Variants in FBXL13 observed in about 807,000 individuals in gnomAD.
FBXL13 encodes F-box and leucine-rich repeat protein 13.
FBXL13 carries 67 observed loss-of-function variants against 83.6 expected under a neutral mutation model. The ratio of observed to expected loss-of-function variants is 0.80; its 90% CI spans 0.66 to 0.98. FBXL13 has a LOEUF of 0.98. Ranked by LOEUF, FBXL13 falls within the 50% of genes least tolerant of loss-of-function variation. The pLI is 0.00. For missense variants in FBXL13, 822 were observed against 866.5 expected (o/e 0.95, Z 0.64); for synonymous variants, 272 against 299.5 (o/e 0.91, Z 0.95).
chr7:103,039,950 C>A (rs904960192), intron 2 of FBXL13, among the ~76,000 whole-genome samples: 8 of 151,562 alleles, frequency 5.3e-5, no homozygotes, highest in Admixed American at 5.3e-4. Flanking sequence ...AATATAATAA[C>A]AGGATCAAAT....
intron 19 of FBXL13, among the ~76,000 whole-genome samples, chr7:102,817,653 CCTCT>C (rs889908993): frequency 1.3e-5 from 2 of 151,846 alleles, no homozygotes; most frequent in African/African-American, 4.8e-5. Context: ...CTGGGAGAAA[CCTCT>C]CTCTCTCTCC....
intron 1 of FBXL13, among the ~76,000 whole-genome samples, chr7:103,061,894 C>T (rs796509962): frequency 1.4e-4 from 21 of 147,112 alleles, no homozygotes; most frequent in East Asian, 8.0e-4. Flanking sequence ...GCTGAGATCG[C>T]GCCACTGCAC....
chr7:102,814,246 T>A (rs987550268), intron 19 of FBXL13: 5 of 152,084 alleles, frequency 3.3e-5, no homozygotes, highest in Non-Finnish European at 7.4e-5. Context: ...AGGAGATGAG[T>A]AATTGACCAC....
chr7:102,834,096 A>AG (rs1562926018), intron 17 of FBXL13, among the ~76,000 whole-genome samples: 3 of 97,068 alleles, frequency 3.1e-5, no homozygotes, highest in East Asian at 3.1e-4. Flanking sequence ...AAAAGAAAGA[A>AG]AGAAAGAAAG....
intron 11 of FBXL13, among the ~76,000 whole-genome samples, chr7:102,902,316 A>C (rs1813068269): frequency 6.6e-6 from 1 of 152,040 alleles, no homozygotes; most frequent in African/African-American, 2.4e-5. Flanking sequence ...TGAGCTCCTT[A>C]TATATTTTGT....
chr7:102,878,273 C>G, intron 15 of FBXL13, 58 bp downstream of exon 16: 5 of 1,439,974 alleles, frequency 3.5e-6, no homozygotes, highest in Non-Finnish European at 4.6e-6. Flanking sequence ...TGTCTCATGT[C>G]TCCTATTATC....
chr7:103,010,323 G>T (rs1332265374), intron 6 of FBXL13, among the ~76,000 whole-genome samples: 1 of 152,110 alleles, frequency 6.6e-6, no homozygotes, highest in African/African-American at 2.4e-5. Flanking sequence ...AGATGGCAGG[G>T]TGAGCGTCCC....
At chr7:102,821,989 T>C in intron 19 of FBXL13, 51 bp downstream of exon 20, 1 of 1,574,884 alleles carries the variant, frequency 6.3e-7, no homozygotes, top group Non-Finnish European at 8.7e-7. Context: ...TATACTATGT[T>C]TTCTCAGAAA....
At chr7:102,877,355 TAATAG>T (rs956179599) in intron 16 of FBXL13, 107 bp downstream of exon 17, 1 of 972,522 alleles carries the variant, frequency 1.0e-6, no homozygotes, top group African/African-American at 1.7e-5. Context: ...TTAACTTTTA[TAATAG>T]AATAACAAAT....
chr7:102,939,302 C>A (rs1820931354), intron 8 of FBXL13: 1 of 725,034 alleles, frequency 1.4e-6, no homozygotes, highest in Middle Eastern at 4.1e-4. Flanking sequence ...TACTAACTTT[C>A]TTTGGCTTTA....
chr7:102,826,748 T>C (rs1171400838), intron 18 of FBXL13, among the ~76,000 whole-genome samples: 8 of 102,654 alleles, frequency 7.8e-5, no homozygotes, highest in Admixed American at 1.1e-4. Context: ...TATATATATA[T>C]ATATATATAT....
intron 6 of FBXL13, chr7:102,976,219 T>A: frequency 1.3e-6 from 1 of 750,754 alleles, no homozygotes; most frequent in Non-Finnish European, 2.5e-6. Flanking sequence ...AGGGTAACCC[T>A]GATGGTGGCA....
intron 19 of FBXL13, among the ~76,000 whole-genome samples, chr7:102,819,053 T>C (rs1456790732): frequency 3.9e-5 from 6 of 152,162 alleles, no homozygotes; most frequent in Non-Finnish European, 7.3e-5. Context: ...ACATGCGTTA[T>C]TTGGTTTTCT....
rs1476900523 is a variant in FBXL13, at chr7:102,874,240, C to T, written c.1635+3227G>A. On this transcript the variant is annotated intron_variant, in intron 16 of 19. Coordinates refer to ENST00000313221, the Ensembl canonical transcript of FBXL13. ...ACGTCTGTAGTCAAATTTGCACTTA[C>T]TCAGACCTATAATCAATCAGGCTGG... 3 of 596,466 alleles carry T rather than the reference C, an allele frequency of 5.0e-6. No individual in the cohort carries two copies. In the African/African-American group the frequency reaches 6.1e-5, roughly 12 times the overall value. The allele number at this position is 596,466 out of a possible 1,614,324, so 36.9% of individuals were successfully genotyped here. A position where few individuals can be genotyped will look rare whatever the true frequency, so the allele number is the denominator to read the frequency against.
chr7:102,851,400 G>A (rs1363039873), intron 17 of FBXL13, among the ~76,000 whole-genome samples: 9 of 144,066 alleles, frequency 6.2e-5, no homozygotes, highest in African/African-American at 1.3e-4. Flanking sequence ...CCTACTTGTG[G>A]GACAAACCCT....
At position 102,975,363 on chromosome 7, in the gene FBXL13, C is replaced by T. The variant is rs143585398; in HGVS notation, c.496-7246G>A. 3.7e-3 allele frequency among the ~76,000 whole-genome samples: 567 copies of T among 152,308 alleles called. 5 individuals carry two copies. Among genetic ancestry groups the T allele is most frequent in the African/African-American group, 0.013 (559 of 41,572 alleles). ...TCTACATTATCCTCTCTTCCACCCT[C>T]ACCCCAGAAGACTGGGGCTGTATCT... On this transcript the variant is annotated intron_variant, in intron 6 of 19. Transcript: ENST00000313221.
At chr7:103,065,887 C>T (rs1210724189) in intron 1 of FBXL13, among the ~76,000 whole-genome samples, 1 of 152,250 alleles carries the variant, frequency 6.6e-6, no homozygotes, top group Non-Finnish European at 1.5e-5. Flanking sequence ...TGGGCTGAGG[C>T]TGGTGAGCAA....
chr7:102,917,244 C>T (rs1816073342), intron 10 of FBXL13, among the ~76,000 whole-genome samples: 1 of 152,164 alleles, frequency 6.6e-6, no homozygotes, highest in Non-Finnish European at 1.5e-5. Flanking sequence ...TTGATAGGCA[C>T]TGGTGAGACT....
chr7:102,967,652 A>G (rs529975377), intron 7 of FBXL13, among the ~76,000 whole-genome samples: 3 of 152,278 alleles, frequency 2.0e-5, no homozygotes, highest in African/African-American at 7.2e-5. Context: ...CACACCCTAA[A>G]CATCTTTCCC....
Sources: allele counts gnomAD v4.1 joint callset (sites outside exome capture counted in the v4.1 genomes callset), GRCh38; gene constraint gnomAD v4.1.1; transcripts MANE v1.5; gene names NCBI Gene and HGNC (gene_info 2026-07-23, HGNC 2026-07-21).